RBFOX1: variants seen among roughly 807,000 people sequenced by gnomAD.
The protein encoded by RBFOX1 is RNA binding fox-1 homolog 1.
In RBFOX1, 8 loss-of-function variants were observed where a neutral mutation model predicts 57.7. That is an observed-to-expected ratio of 0.14 (90% CI 0.08 to 0.25). The LOEUF is 0.25. RBFOX1 is among the 10% of genes least tolerant of loss of function. The probability of loss-of-function intolerance (pLI) is 1.00; values close to 1 mark genes in which losing one functional copy is unlikely to be tolerated. For synonymous variants in RBFOX1, 326 were observed against 222.4 expected, an observed-to-expected ratio of 1.47 and a Z score of -4.15; for missense variants, 611 against 548.5, an observed-to-expected ratio of 1.11 and a Z score of -1.14.
At chr16:7,276,667 A>G (rs566846419) in intron 4 of RBFOX1, among the ~76,000 whole-genome samples, 1 of 152,118 alleles carries the variant, frequency 6.6e-6, no homozygotes, top group Non-Finnish European at 1.5e-5. Context: ...ACCTCTCCCA[A>G]CCTCAGTTCA....
intron 4 of RBFOX1, among the ~76,000 whole-genome samples, chr16:7,441,812 C>T (rs926401341): frequency 6.6e-6 from 1 of 152,174 alleles, no homozygotes; most frequent in African/African-American, 2.4e-5. Context: ...CCCTCTTACT[C>T]AGGACTCACC....
chr16:7,603,182 T>C (rs1195560419), intron 9 of RBFOX1, among the ~76,000 whole-genome samples: 4 of 152,148 alleles, frequency 2.6e-5, no homozygotes, highest in Admixed American at 2.6e-4. Context: ...CTTTATTTAA[T>C]GTAGAGTCTA....
chr16:5,686,318 G>C (rs1269936667), intron 3 of RBFOX1, among the ~76,000 whole-genome samples: 3 of 152,174 alleles, frequency 2.0e-5, no homozygotes, highest in African/African-American at 7.2e-5. Flanking sequence ...GTTTGTTTAA[G>C]GTCTAGAAAT....
At chr16:5,335,714 C>G (rs763075093) in intron 1 of RBFOX1, among the ~76,000 whole-genome samples, 3 of 152,132 alleles carry the variant, frequency 2.0e-5, no homozygotes, top group Non-Finnish European at 4.4e-5. Context: ...AGATCATAAG[C>G]TTTCTGAGGG....
At chr16:6,878,161 A>G (rs561741360) in intron 3 of RBFOX1, among the ~76,000 whole-genome samples, 3 of 152,266 alleles carry the variant, frequency 2.0e-5, no homozygotes, top group African/African-American at 7.2e-5. Context: ...GCTACAATGT[A>G]AATACTTCCA....
chr16:7,564,540 CAAAAA>C (rs5815409), intron 5 of RBFOX1, among the ~76,000 whole-genome samples: 5 of 82,518 alleles, frequency 6.1e-5, no homozygotes, highest in African/African-American at 4.8e-4. Flanking sequence ...GACTCCATCT[CAAAAA>C]AAAAAAAAAA....
Position 6,842,000 on chromosome 16 carries a change from G to T in RBFOX1, c.-16+187350G>T, listed in dbSNP as rs572685369. ...AAAAAAAAAATACAAAAAATTAGCC[G>T]GGCGTGGTGGCGGGCGCCTGTAGTC... On this transcript the variant is annotated intron_variant, in intron 3 of 15. Transcript: ENST00000550418. Among the ~76,000 whole-genome samples, 15 of 151,676 alleles carry T rather than the reference G, an allele frequency of 9.9e-5. No homozygotes were observed. In the South Asian group the frequency reaches 1.0e-3, roughly 11 times the overall value.
chr16:7,578,097 G>C (rs1056462869), intron 5 of RBFOX1, among the ~76,000 whole-genome samples: 7 of 152,150 alleles, frequency 4.6e-5, no homozygotes, highest in Admixed American at 3.9e-4. Context: ...TCTCAAAGGA[G>C]GTTTATTTCT....
chr16:6,979,992 G>A (rs1444057624), intron 3 of RBFOX1, among the ~76,000 whole-genome samples: 4 of 152,068 alleles, frequency 2.6e-5, no homozygotes, highest in African/African-American at 7.2e-5. Flanking sequence ...TTCTAACACC[G>A]TTTCTCCTTC....
intron 4 of RBFOX1, among the ~76,000 whole-genome samples, chr16:7,103,207 T>TA (rs373875294): frequency 1.1e-3 from 162 of 152,256 alleles, no homozygotes; most frequent in Non-Finnish European, 1.9e-3. Flanking sequence ...AAAGAGGGGA[T>TA]AAAAAACCAA....
At chr16:6,753,690 C>G (rs563378930) in intron 3 of RBFOX1, among the ~76,000 whole-genome samples, 1 of 151,888 alleles carries the variant, frequency 6.6e-6, no homozygotes, top group South Asian at 2.1e-4. Flanking sequence ...TGAGAAGCCT[C>G]GTGCCCTCCT....
chr16:6,285,355 G>C (rs750949163), intron 1 of RBFOX1, among the ~76,000 whole-genome samples: 4 of 152,116 alleles, frequency 2.6e-5, no homozygotes, highest in African/African-American at 9.7e-5. Flanking sequence ...TTCTGAGGGC[G>C]TGTGAACTGA....
chr16:6,751,022 G>A (rs1381454975), intron 3 of RBFOX1, among the ~76,000 whole-genome samples: 1 of 152,130 alleles, frequency 6.6e-6, no homozygotes, highest in Non-Finnish European at 1.5e-5. Flanking sequence ...GAAACAGCAT[G>A]TTCAAGGGCC....
chr16:6,237,590 A>T (rs2097515095), intron 1 of RBFOX1, among the ~76,000 whole-genome samples: 1 of 152,008 alleles, frequency 6.6e-6, no homozygotes, highest in Non-Finnish European at 1.5e-5. Context: ...AAAAATACAA[A>T]AATTAGTGGG....
intron 3 of RBFOX1, among the ~76,000 whole-genome samples, chr16:6,682,564 G>C (rs572901163): frequency 1.3e-5 from 2 of 151,986 alleles, no homozygotes; most frequent in Non-Finnish European, 2.9e-5. Context: ...GCTTTGCTGC[G>C]GAGAGTGTCC....
chr16:6,499,713 CT>C (rs1167062641), intron 2 of RBFOX1, among the ~76,000 whole-genome samples: 6 of 151,872 alleles, frequency 4.0e-5, no homozygotes, highest in Non-Finnish European at 5.9e-5. Flanking sequence ...GGTTTTCCCC[CT>C]GATTTATTGT....
intron 5 of RBFOX1, among the ~76,000 whole-genome samples, chr16:7,526,129 G>A (rs1308295289): frequency 2.0e-5 from 3 of 152,114 alleles, no homozygotes; most frequent in Non-Finnish European, 4.4e-5. Context: ...TACATGCGAG[G>A]GATCTAGATT....
At chr16:7,414,434 C>G (rs747031673) in intron 4 of RBFOX1, among the ~76,000 whole-genome samples, 1 of 152,124 alleles carries the variant, frequency 6.6e-6, no homozygotes, top group Non-Finnish European at 1.5e-5. Flanking sequence ...ATTGAAAAAT[C>G]TTCAATTAAA....
At chr16:7,392,095 A>G (rs2098038519) in intron 4 of RBFOX1, among the ~76,000 whole-genome samples, 1 of 152,240 alleles carries the variant, frequency 6.6e-6, no homozygotes, top group Admixed American at 6.5e-5. Context: ...AGTGTTTGAA[A>G]GTTGCACACC....
Sources: gnomAD v4.1 joint callset for allele counts (sites outside exome capture counted in the v4.1 genomes callset) on GRCh38, gnomAD v4.1.1 for gene constraint, MANE v1.5 for transcripts, NCBI Gene and HGNC (gene_info 2026-07-23, HGNC 2026-07-21) for gene names.